The following IMMP2L variants were observed in gnomAD, a reference collection of about 807,000 sequenced individuals.
IMMP2L encodes the protein inner mitochondrial membrane peptidase subunit 2.
A neutral mutation model predicts 19.3 loss-of-function variants in IMMP2L; 18 were observed. The ratio of observed to expected loss-of-function variants is 0.93; its 90% confidence interval spans 0.64 to 1.38. IMMP2L has a LOEUF of 1.38. Among genes scored for constraint, IMMP2L ranks in the 40% most tolerant of loss-of-function variants. The probability of loss-of-function intolerance (pLI) is 0.00; values close to 1 mark genes in which losing one functional copy is unlikely to be tolerated. For synonymous variants in IMMP2L, 76 were observed against 73.0 expected (o/e 1.04, Z -0.21); for missense variants, 233 against 218.2 (o/e 1.07, Z -0.43).
At chr7:111,071,087 A>C (rs562175305) in intron 3 of IMMP2L, among the ~76,000 whole-genome samples, 15 of 152,330 alleles carry the variant, frequency 9.8e-5, no homozygotes, top group Admixed American at 5.2e-4. Context: ...TTGAAAGAAG[A>C]TAAATAAATG....
chr7:111,334,272 G>C (rs1826176034), intron 3 of IMMP2L, among the ~76,000 whole-genome samples: 1 of 151,058 alleles, frequency 6.6e-6, no homozygotes, highest in Admixed American at 6.6e-5. Flanking sequence ...CTGTGTTCTT[G>C]ACAGTCACTT....
At chr7:111,444,489 T>A (rs888733527) in intron 3 of IMMP2L, among the ~76,000 whole-genome samples, 4 of 152,174 alleles carry the variant, frequency 2.6e-5, no homozygotes, top group Non-Finnish European at 5.9e-5. Context: ...CAAATAGGAC[T>A]AAATAAAGAT....
chr7:111,291,966 A>C (rs1329847436), intron 3 of IMMP2L, among the ~76,000 whole-genome samples: 1 of 152,166 alleles, frequency 6.6e-6, no homozygotes, highest in Non-Finnish European at 1.5e-5. Flanking sequence ...GAAAAGTTCT[A>C]CCTAAATCAC....
chr7:111,288,366 C>G (rs1222886222), intron 3 of IMMP2L, among the ~76,000 whole-genome samples: 4 of 152,106 alleles, frequency 2.6e-5, no homozygotes, highest in Non-Finnish European at 2.9e-5. Flanking sequence ...CCATTCAGGA[C>G]ACAGGAATGG....
At chr7:110,987,821 A>G (rs1196095601) in intron 3 of IMMP2L, among the ~76,000 whole-genome samples, 2 of 152,172 alleles carry the variant, frequency 1.3e-5, no homozygotes, top group African/African-American at 4.8e-5. Flanking sequence ...GAACCATTAC[A>G]TTCATTTAAA....
chr7:111,499,772 C>T (rs1843976603), intron 2 of IMMP2L, among the ~76,000 whole-genome samples: 2 of 152,116 alleles, frequency 1.3e-5, no homozygotes, highest in Non-Finnish European at 2.9e-5. Flanking sequence ...GTCTGCATGG[C>T]TCTTAGCTCT....
At chr7:110,679,440 C>T (rs1792544215) in intron 5 of IMMP2L, among the ~76,000 whole-genome samples, 1 of 152,132 alleles carries the variant, frequency 6.6e-6, no homozygotes, top group Admixed American at 6.5e-5. Context: ...TGACGTCCCA[C>T]ATGTTATTTT....
chr7:111,068,876 T>C (rs897810109), intron 3 of IMMP2L, among the ~76,000 whole-genome samples: 1 of 152,184 alleles, frequency 6.6e-6, no homozygotes, highest in African/African-American at 2.4e-5. Flanking sequence ...CCATTTGTTG[T>C]TCTGTCCACT....
chr7:110,741,466 G>C (rs748657980), intron 5 of IMMP2L, among the ~76,000 whole-genome samples: 19 of 152,200 alleles, frequency 1.2e-4, no homozygotes, highest in Non-Finnish European at 2.4e-4. Flanking sequence ...CCTTATAGAA[G>C]ATCCAAGGGA....
intron 3 of IMMP2L, among the ~76,000 whole-genome samples, chr7:111,406,348 C>T (rs1240104439): frequency 6.6e-6 from 1 of 152,024 alleles, no homozygotes; most frequent in African/African-American, 2.4e-5. Context: ...CCAATGCTAC[C>T]ACCCTAACTC....
At position 110,794,369 on chromosome 7, in the gene IMMP2L, T is replaced by C. The variant is rs572394261; in HGVS notation, c.408+92224A>G. Among the ~76,000 whole-genome samples the C allele has an allele frequency of 4.6e-5, 7 of 152,196 alleles. No homozygotes were observed. The South Asian group carries it at 1.0e-3, about 23-fold the overall frequency. ...ATAGAAAGACATAGAGAAACCTTAA[T>C]ATTACTAAGTGAAGGAAGCCAGTCT... On this transcript the variant is annotated intron_variant, in intron 5 of 5. Transcript: ENST00000405709.
At chr7:110,918,031 C>G (rs1370950377) in intron 4 of IMMP2L, among the ~76,000 whole-genome samples, 1 of 152,266 alleles carries the variant, frequency 6.6e-6, no homozygotes, top group African/African-American at 2.4e-5. Flanking sequence ...TTTCAATCAT[C>G]CACTTTACCA....
At chr7:111,209,248 T>C (rs1014783801) in intron 3 of IMMP2L, among the ~76,000 whole-genome samples, 1 of 151,928 alleles carries the variant, frequency 6.6e-6, no homozygotes, top group Non-Finnish European at 1.5e-5. Flanking sequence ...ATATAAAAAA[T>C]TAGCCACGCA....
chr7:111,116,816 G>C (rs1430614124), intron 3 of IMMP2L, among the ~76,000 whole-genome samples: 7 of 152,148 alleles, frequency 4.6e-5, no homozygotes, highest in Admixed American at 1.3e-4. Flanking sequence ...TATACAGTTG[G>C]AGGAAACACC....
intron 2 of IMMP2L, among the ~76,000 whole-genome samples, chr7:111,492,630 C>T (rs1843207080): frequency 6.6e-6 from 1 of 152,202 alleles, no homozygotes; most frequent in African/African-American, 2.4e-5. Context: ...TTAACTTCGT[C>T]TTTCCCTTAT....
At chr7:110,869,906 T>C (rs889115284) in intron 5 of IMMP2L, among the ~76,000 whole-genome samples, 4 of 152,126 alleles carry the variant, frequency 2.6e-5, no homozygotes, top group African/African-American at 9.6e-5. Flanking sequence ...CCGTACTAAA[T>C]TGGACTTTGC....
chr7:111,134,238 T>C (rs533029444), intron 3 of IMMP2L, among the ~76,000 whole-genome samples: 1 of 152,200 alleles, frequency 6.6e-6, no homozygotes, highest in East Asian at 1.9e-4. Flanking sequence ...CTATATTTTG[T>C]ATAATACCAG....
intron 1 of IMMP2L, among the ~76,000 whole-genome samples, chr7:111,550,762 A>G (rs1440328980): frequency 1.3e-5 from 2 of 152,150 alleles, no homozygotes; most frequent in African/African-American, 4.8e-5. Context: ...TCTTATTTAC[A>G]CACACATTGC....
At chr7:111,035,349 A>C (rs552087783) in intron 3 of IMMP2L, among the ~76,000 whole-genome samples, 1 of 152,266 alleles carries the variant, frequency 6.6e-6, no homozygotes, top group East Asian at 1.9e-4. Flanking sequence ...GCAAAATAAC[A>C]TTTTCTAAAG....
Sources: gnomAD v4.1 joint callset for allele counts (sites outside exome capture counted in the v4.1 genomes callset) on GRCh38, gnomAD v4.1.1 for gene constraint, MANE v1.5 for transcripts, NCBI Gene and HGNC (gene_info 2026-07-23, HGNC 2026-07-21) for gene names.